The following EPG5 variants were observed in gnomAD, a reference collection of about 807,000 sequenced individuals.
The protein encoded by EPG5 is ectopic P-granules 5 autophagy tethering factor.
In EPG5, 159 loss-of-function variants were observed where a neutral mutation model predicts 302.7. The observed-to-expected ratio is 0.53, with a 90% CI of 0.46 to 0.60. EPG5 has a LOEUF of 0.60. Among genes scored for constraint, EPG5 ranks in the 20% least tolerant of loss-of-function variants. The pLI, the probability that EPG5 is intolerant of heterozygous loss-of-function variation, is 0.00. For missense variants in EPG5, 2,896 were observed against 3,092.4 expected (o/e 0.94, Z 1.51); for synonymous variants, 1,158 against 1,136.8 (o/e 1.02, Z -0.37).
chr18:45,890,169 C>T lies in EPG5; in HGVS notation c.4810-229G>A, dbSNP rs72918326. On this transcript the variant is annotated intron_variant, in intron 27 of 43. Coordinates refer to ENST00000282041, the MANE Select transcript of EPG5 (RefSeq NM_020964.3). ...CAACTCCTGAAATCCTCATCAAAAA[C>T]ACATCCCATGTCTTCCACCACTGAG... is the stretch of plus-strand genomic sequence containing the variant. The T allele has an allele frequency of 0.01, 3,598 of 354,886 alleles. 33 individuals carry two copies. The highest frequency in any genetic ancestry group is 0.014 in the Non-Finnish European group (2,777 of 194,850). The allele number at this position is 354,886 out of a possible 1,614,324, so 22.0% of individuals were successfully genotyped here.
intron 2 of EPG5, chr18:45,953,733 A>G (rs2050962023): frequency 1.0e-6 from 1 of 985,204 alleles, no homozygotes. Flanking sequence ...TATAGTTAAG[A>G]AGGTGAGTTT....
intron 31 of EPG5, among the ~76,000 whole-genome samples, chr18:45,881,680 C>A (rs909787871): frequency 7.2e-5 from 11 of 152,182 alleles, no homozygotes; most frequent in Non-Finnish European, 1.6e-4. Flanking sequence ...CTATTTATTT[C>A]TCCTCTAAAC....
chr18:45,839,165 C>G, the EPG5 span: 5 of 1,336,620 alleles, frequency 3.7e-6, no homozygotes, highest in Non-Finnish European at 4.8e-6. Context: ...GATAAGACCA[C>G]CTGGCTGACC....
intron 9 of EPG5, among the ~76,000 whole-genome samples, chr18:45,940,722 T>C (rs1383756483): frequency 2.6e-5 from 4 of 151,866 alleles, no homozygotes; most frequent in African/African-American, 9.7e-5. Flanking sequence ...TAAAAAATAA[T>C]TGGTGGCATT....
the EPG5 span, among the ~76,000 whole-genome samples, chr18:45,825,265 A>C: frequency 7.1e-6 from 1 of 141,192 alleles, no homozygotes; most frequent in Non-Finnish European, 1.5e-5. Flanking sequence ...GGAGAGGAGA[A>C]GGGAGGATGG....
chr18:45,922,754 AGCAATTTTTCACTC>A (rs1365657577), intron 15 of EPG5, among the ~76,000 whole-genome samples, 154 bp from the exon 16 acceptor site: 1 of 152,192 alleles, frequency 6.6e-6, no homozygotes, highest in African/African-American at 2.4e-5. Flanking sequence ...ACTACATCAA[AGCAATTTTTCACTC>A]GCAACTTGCG....
intron 13 of EPG5, among the ~76,000 whole-genome samples, chr18:45,927,779 C>G (rs755932388): frequency 2.6e-5 from 4 of 152,066 alleles, no homozygotes; most frequent in Non-Finnish European, 5.9e-5. Context: ...TATGAAATGT[C>G]TGAAATAGGC....
intron 43 of EPG5, among the ~76,000 whole-genome samples, chr18:45,854,468 C>T (rs1006886457): frequency 3.9e-5 from 6 of 152,176 alleles, no homozygotes; most frequent in Non-Finnish European, 7.4e-5. Flanking sequence ...CTGGCCAGTG[C>T]GACTTCCAGC....
intron 4 of EPG5, among the ~76,000 whole-genome samples, chr18:45,950,841 C>T (rs1599641090): frequency 6.6e-6 from 1 of 152,202 alleles, no homozygotes; most frequent in Admixed American, 6.5e-5. Context: ...TCGCATACTT[C>T]CTGCATTTCC....
intron 1 of EPG5, among the ~76,000 whole-genome samples, 189 bp downstream of exon 1, chr18:45,966,988 G>A (rs116758961): frequency 1.3e-5 from 2 of 152,252 alleles, no homozygotes; most frequent in Admixed American, 1.3e-4. Context: ...AGTGTGGCAG[G>A]GGGATATGGA....
intron 27 of EPG5, among the ~76,000 whole-genome samples, chr18:45,894,112 A>C (rs1242057068): frequency 6.6e-6 from 1 of 152,160 alleles, no homozygotes; most frequent in Non-Finnish European, 1.5e-5. Flanking sequence ...AACACAGCCT[A>C]ATGAGTGGTG....
chr18:45,895,480 CA>C (rs1198284164), intron 27 of EPG5, among the ~76,000 whole-genome samples: 2 of 152,126 alleles, frequency 1.3e-5, no homozygotes, highest in African/African-American at 4.8e-5. Context: ...GGAACTTCAC[CA>C]ATTCTCTAAA....
chr18:45,915,472 C>G (rs752213262), intron 20 of EPG5, 39 bp downstream of exon 20: 1 of 1,418,486 alleles, frequency 7.0e-7, no homozygotes, highest in Non-Finnish European at 9.9e-7. Flanking sequence ...GATTAAAGTT[C>G]ACAAAGATAA....
intron 1 of EPG5, among the ~76,000 whole-genome samples, chr18:45,959,689 A>AATAC: frequency 7.1e-6 from 1 of 140,472 alleles, no homozygotes; most frequent in South Asian, 2.2e-4. Flanking sequence ...TAAATAAATA[A>AATAC]ATAAATAGGC....
chr18:45,952,761 G>A (rs1357757103), intron 2 of EPG5, 118 bp from the exon 3 acceptor site: 14 of 1,057,954 alleles, frequency 1.3e-5, no homozygotes, highest in Non-Finnish European at 1.9e-5. Context: ...TTATAATCAT[G>A]GTGAGGAGAC....
chr18:45,879,375 GT>G (rs1296049677), intron 32 of EPG5, among the ~76,000 whole-genome samples, 161 bp from the exon 33 acceptor site: 1 of 152,056 alleles, frequency 6.6e-6, no homozygotes, highest in African/African-American at 2.4e-5. Flanking sequence ...TTTTGTTTTT[GT>G]TTTTGTTTTG....
chr18:45,868,055 G>C, intron 36 of EPG5: 1 of 483,814 alleles, frequency 2.1e-6, no homozygotes, highest in Non-Finnish European at 4.1e-6. Context: ...TAAGTCACTG[G>C]AGCTGCAGGG....
chr18:45,953,272 T>C, intron 2 of EPG5: 5 of 983,018 alleles, frequency 5.1e-6, no homozygotes, highest in Non-Finnish European at 6.0e-6. Flanking sequence ...TTTATGAATA[T>C]GAAGCCAATG....
chr18:45,819,699 T>C, the EPG5 span, among the ~76,000 whole-genome samples: 811 of 152,334 alleles, frequency 5.3e-3, 5 homozygotes, highest in Middle Eastern at 0.024. Context: ...GTTTCTAAAA[T>C]GCTTGAATCA....
Sources: allele counts gnomAD v4.1 joint callset (sites outside exome capture counted in the v4.1 genomes callset), GRCh38; gene constraint gnomAD v4.1.1; transcripts MANE v1.5; gene names NCBI Gene and HGNC (gene_info 2026-07-23, HGNC 2026-07-21).